The following FHIT variants were observed in gnomAD, a reference collection of about 807,000 sequenced individuals.
The protein encoded by FHIT is fragile histidine triad diadenosine triphosphatase.
A neutral mutation model predicts 17.9 loss-of-function variants in FHIT; 19 were observed. The ratio of observed to expected loss-of-function variants is 1.06; its 90% CI spans 0.74 to 1.56. The LOEUF (loss-of-function observed/expected upper bound fraction) is 1.56. Ranked by LOEUF, FHIT falls within the 40% of genes most tolerant of loss-of-function variation. The probability of loss-of-function intolerance (pLI) is 0.00; values close to 1 mark genes in which losing one functional copy is unlikely to be tolerated. For synonymous variants in FHIT, 81 were observed against 69.7 expected, an observed-to-expected ratio of 1.16 and a Z score of -0.81; for missense variants, 248 against 189.2, an observed-to-expected ratio of 1.31 and a Z score of -1.82.
At chr3:61,241,420 T>C (rs2040370307) in intron 1 of FHIT, among the ~76,000 whole-genome samples, 1 of 152,210 alleles carries the variant, frequency 6.6e-6, no homozygotes, top group African/African-American at 2.4e-5. Context: ...GTGAGTTTTG[T>C]GTTTTGCTTT....
chr3:60,339,632 C>A (rs1710417741), intron 5 of FHIT, among the ~76,000 whole-genome samples: 1 of 152,108 alleles, frequency 6.6e-6, no homozygotes, highest in African/African-American at 2.4e-5. Context: ...ATCCCATCTG[C>A]CAGAAGGAAA....
intron 4 of FHIT, among the ~76,000 whole-genome samples, chr3:60,752,571 T>C (rs1274208891): frequency 6.6e-6 from 1 of 152,210 alleles, no homozygotes. Flanking sequence ...TTTTGCGTTT[T>C]ATTTTGTGAA....
At chr3:60,641,235 C>A (rs2039717593) in intron 4 of FHIT, among the ~76,000 whole-genome samples, 1 of 152,024 alleles carries the variant, frequency 6.6e-6, no homozygotes, top group Non-Finnish European at 1.5e-5. Context: ...GGTTGATCAT[C>A]ATGGAAGTTG....
At chr3:60,025,748 A>AG (rs1294751878) in intron 5 of FHIT, among the ~76,000 whole-genome samples, 4 of 151,984 alleles carry the variant, frequency 2.6e-5, no homozygotes, top group Non-Finnish European at 5.9e-5. Context: ...AAAAAAAAAA[A>AG]AGAGAGAGTG....
chr3:60,332,493 G>A (rs1358689041), intron 5 of FHIT, among the ~76,000 whole-genome samples: 1 of 152,200 alleles, frequency 6.6e-6, no homozygotes, highest in Admixed American at 6.5e-5. Flanking sequence ...TGCAGCAACA[G>A]AAATAGACAA....
chr3:59,983,265 A>AGT (rs1708734652), intron 7 of FHIT, among the ~76,000 whole-genome samples: 3 of 152,114 alleles, frequency 2.0e-5, no homozygotes, highest in Admixed American at 2.0e-4. Context: ...GAACAAAAAG[A>AGT]AGGGGTATAT....
intron 4 of FHIT, among the ~76,000 whole-genome samples, chr3:60,743,642 C>T (rs1483811059): frequency 6.6e-6 from 1 of 152,168 alleles, no homozygotes; most frequent in East Asian, 1.9e-4. Context: ...GTCCACATGC[C>T]AAGCCTTCTA....
At chr3:60,457,274 T>C (rs60232290) in intron 5 of FHIT, among the ~76,000 whole-genome samples, 77,481 of 151,458 alleles carry the variant, frequency 0.51, 22,365 homozygotes, top group African/African-American at 0.78. Context: ...AGAAATAATG[T>C]CACATATCTA....
rs936942969 is a variant in FHIT, at chr3:60,220,665, A to C, written c.104-206513T>G. ...AACTTCAGTAGCAGACACTGTGTTG[A>C]TGGTTTGGCTAAAGGAGGACAAGAA... On this transcript the variant is annotated intron_variant, in intron 5 of 9. Transcript: ENST00000492590. Among the ~76,000 whole-genome samples, 17 of 152,158 alleles carry C rather than the reference A, an allele frequency of 1.1e-4. 1 individual carries two copies. Among genetic ancestry groups the C allele is most frequent in the Non-Finnish European group, 2.9e-5 (2 of 68,040 alleles).
intron 5 of FHIT, among the ~76,000 whole-genome samples, chr3:60,236,461 C>G (rs902389753): frequency 2.6e-5 from 4 of 151,984 alleles, no homozygotes; most frequent in African/African-American, 9.7e-5. Context: ...CATTCTATCC[C>G]CAGTAGAATT....
intron 4 of FHIT, among the ~76,000 whole-genome samples, chr3:60,615,215 T>G (rs1020072567): frequency 1.2e-4 from 18 of 152,178 alleles, no homozygotes; most frequent in African/African-American, 4.3e-4. Context: ...TAATCTAGCT[T>G]TCCTGGAGGG....
chr3:61,143,546 G>C (rs999846596), intron 2 of FHIT, among the ~76,000 whole-genome samples: 1 of 152,102 alleles, frequency 6.6e-6, no homozygotes, highest in African/African-American at 2.4e-5. Context: ...TTAGCATTCA[G>C]ATGTGTCAAG....
chr3:61,075,523 A>G (rs76413384), intron 2 of FHIT, among the ~76,000 whole-genome samples: 10,725 of 152,200 alleles, frequency 0.07, 522 homozygotes, highest in Non-Finnish European at 0.1. Flanking sequence ...AATTAAAAAA[A>G]GATAAAACCC....
At chr3:60,278,188 C>A (rs213356) in intron 5 of FHIT, among the ~76,000 whole-genome samples, 1 of 152,158 alleles carries the variant, frequency 6.6e-6, no homozygotes. Flanking sequence ...CTATACTTTT[C>A]TGAGTTTTAT....
intron 3 of FHIT, among the ~76,000 whole-genome samples, chr3:61,029,308 A>C (rs2032892512): frequency 6.6e-6 from 1 of 152,200 alleles, no homozygotes. Context: ...ATAATTAAGA[A>C]CGACCAAGGG....
intron 5 of FHIT, among the ~76,000 whole-genome samples, chr3:60,149,985 CCTTTTTT>C (rs1198279824): frequency 2.6e-4 from 13 of 50,920 alleles, no homozygotes; most frequent in East Asian, 5.2e-4. Context: ...AACCTTTAAG[CCTTTTTT>C]TTTTTTTTTT....
chr3:60,251,348 C>G (rs186825632), intron 5 of FHIT, among the ~76,000 whole-genome samples: 60 of 152,214 alleles, frequency 3.9e-4, no homozygotes, highest in Admixed American at 3.2e-3. Context: ...CATTATGACA[C>G]CTATTACTAT....
intron 5 of FHIT, among the ~76,000 whole-genome samples, chr3:60,417,070 C>G (rs1260212652): frequency 1.4e-5 from 2 of 142,712 alleles, no homozygotes; most frequent in Non-Finnish European, 3.0e-5. Context: ...GCCTGGTCGA[C>G]AGAGGGAGAC....
At chr3:60,849,272 A>G (rs1249724120) in intron 3 of FHIT, among the ~76,000 whole-genome samples, 3 of 151,702 alleles carry the variant, frequency 2.0e-5, no homozygotes, top group African/African-American at 7.3e-5. Context: ...AAGGAATACT[A>G]TTTGGCTTTT....
Sources: allele counts gnomAD v4.1 joint callset (sites outside exome capture counted in the v4.1 genomes callset), GRCh38; gene constraint gnomAD v4.1.1; transcripts MANE v1.5; gene names NCBI Gene and HGNC (gene_info 2026-07-23, HGNC 2026-07-21).